Variants in TSGA10 observed in about 807,000 individuals in gnomAD.
The protein encoded by TSGA10 is testis-specific gene 10 protein.
A neutral mutation model predicts 96.6 loss-of-function variants in TSGA10; 43 were observed. The observed-to-expected ratio is 0.44, with a 90% CI of 0.35 to 0.57. TSGA10 has a LOEUF of 0.57. Among genes scored for constraint, TSGA10 ranks in the 20% least tolerant of loss-of-function variants. TSGA10 has a pLI of 0.01. For missense variants in TSGA10, 703 were observed against 834.4 expected (o/e 0.84, Z 1.94); for synonymous variants, 229 against 269.9 (o/e 0.85, Z 1.48).
chr2:99,006,555 C>T (rs1327450260), intron 20 of TSGA10, among the ~76,000 whole-genome samples: 1 of 152,194 alleles, frequency 6.6e-6, no homozygotes, highest in East Asian at 1.9e-4. Context: ...TGCTCATCAT[C>T]ACTGGCCATC....
At chr2:99,080,032 G>A (rs962869892) in intron 11 of TSGA10, among the ~76,000 whole-genome samples, 5 of 152,022 alleles carry the variant, frequency 3.3e-5, no homozygotes, top group African/African-American at 1.2e-4. Context: ...AATAGCTCTA[G>A]TATCTCCTAG....
chr2:99,063,915 C>G (rs1022053192), intron 16 of TSGA10, among the ~76,000 whole-genome samples: 2 of 151,896 alleles, frequency 1.3e-5, no homozygotes, highest in African/African-American at 4.8e-5. Flanking sequence ...AGGAAGAATC[C>G]TAAATGGCAA....
Position 99,004,761 on chromosome 2 carries a change from A to G in TSGA10, c.2073-6540T>C, listed in dbSNP as rs973444742. 3.3e-5 allele frequency among the ~76,000 whole-genome samples: 5 copies of G among 152,344 alleles called. No homozygotes were observed. In the East Asian group the frequency reaches 9.6e-4, roughly 29 times the overall value. On this transcript the variant is annotated intron_variant, in intron 20 of 20. Transcript: ENST00000393483. The stretch of plus-strand genomic sequence containing the variant: ...CATCTGAAACTATTCCAATCAATAG[A>G]AAAAGAGGGAATCCTCCCTAACTCA...
At chr2:99,147,206 G>T in intron 1 of TSGA10, 1 of 417,438 alleles carries the variant, frequency 2.4e-6, no homozygotes. Context: ...TCCCTATGTT[G>T]CCCAGGCTGG....
At chr2:99,020,586 A>G in intron 17 of TSGA10, 104 bp from the exon 18 acceptor site, 1 of 770,428 alleles carries the variant, frequency 1.3e-6, no homozygotes, top group East Asian at 2.7e-5. Context: ...TAAACTGGCA[A>G]CTACTTTTAA....
At chr2:99,021,430 A>G (rs182374792) in intron 17 of TSGA10, among the ~76,000 whole-genome samples, 68 of 152,332 alleles carry the variant, frequency 4.5e-4, no homozygotes, top group Middle Eastern at 3.4e-3. Flanking sequence ...ACGCATATAA[A>G]CTGATGAGAA....
rs532626280 is a variant in TSGA10 at position 99,052,568 on chromosome 2, C to T, written c.1404+12371G>A. 1.6e-3 allele frequency among the ~76,000 whole-genome samples: 239 copies of T among 151,978 alleles called. 2 individuals are homozygous for T. Among genetic ancestry groups the T allele is most frequent in the Admixed American group, 7.9e-3 (121 of 15,260 alleles). The stretch of plus-strand genomic sequence containing the variant: ...CCTGGCTAACACGGTGAAACCCCGT[C>T]TCTACTAAAAATACAAAAAATTAGC... On this transcript the variant is annotated intron_variant, in intron 16 of 20. Transcript: ENST00000393483.
At chr2:99,128,649 G>C (rs960880664) in intron 1 of TSGA10, among the ~76,000 whole-genome samples, 1 of 152,148 alleles carries the variant, frequency 6.6e-6, no homozygotes, top group Admixed American at 6.5e-5. Flanking sequence ...GAATAGCAAG[G>C]ATCTATTTAA....
At chr2:99,057,258 G>A (rs2084117178) in intron 16 of TSGA10, among the ~76,000 whole-genome samples, 1 of 152,106 alleles carries the variant, frequency 6.6e-6, no homozygotes, top group Admixed American at 6.5e-5. Flanking sequence ...AAGGCATCCA[G>A]ATTGGAAAGG....
intron 16 of TSGA10, among the ~76,000 whole-genome samples, chr2:99,045,836 C>T (rs1399426511): frequency 1.3e-5 from 2 of 152,138 alleles, no homozygotes; most frequent in Non-Finnish European, 2.9e-5. Context: ...GCAGGAGACC[C>T]ATCTCATGTG....
At chr2:99,100,302 G>A (rs1182278281) in intron 10 of TSGA10, among the ~76,000 whole-genome samples, 1 of 152,050 alleles carries the variant, frequency 6.6e-6, no homozygotes, top group Non-Finnish European at 1.5e-5. Flanking sequence ...ATAGTAATTA[G>A]GAAAGTTTTG....
chr2:99,087,492 G>C (rs2088680884), intron 10 of TSGA10, among the ~76,000 whole-genome samples: 1 of 152,138 alleles, frequency 6.6e-6, no homozygotes, highest in African/African-American at 2.4e-5. Context: ...GGCAACAAAA[G>C]TAAAACGCCG....
At chr2:99,098,795 T>C (rs2104754095) in intron 10 of TSGA10, among the ~76,000 whole-genome samples, 1 of 152,248 alleles carries the variant, frequency 6.6e-6, no homozygotes, top group East Asian at 1.9e-4. Flanking sequence ...ACTGCTTACA[T>C]ATATATACTA....
intron 4 of TSGA10, among the ~76,000 whole-genome samples, chr2:99,114,194 T>C (rs11692699): frequency 0.59 from 89,543 of 151,940 alleles, 27,369 homozygotes; most frequent in East Asian, 0.88. Flanking sequence ...GAAACCCAAA[T>C]ATTTTTTCTC....
chr2:99,113,816 G>C (rs1159391998), intron 4 of TSGA10, among the ~76,000 whole-genome samples: 4 of 152,058 alleles, frequency 2.6e-5, no homozygotes, highest in Non-Finnish European at 5.9e-5. Flanking sequence ...CAAAGTGTTG[G>C]AATTACAGGT....
At chr2:99,152,844 G>C (rs1049647487) in intron 1 of TSGA10, among the ~76,000 whole-genome samples, 33 of 152,210 alleles carry the variant, frequency 2.2e-4, no homozygotes, top group Non-Finnish European at 4.1e-4. Flanking sequence ...AGGATCCCTG[G>C]GGGGAAAGAG....
intron 17 of TSGA10, among the ~76,000 whole-genome samples, chr2:99,021,339 C>G (rs1414855726): frequency 1.3e-5 from 2 of 151,464 alleles, no homozygotes; most frequent in Non-Finnish European, 2.9e-5. Context: ...TAAACTTAAC[C>G]AAAATTTGAA....
rs796331011 is a variant in TSGA10, at chr2:99,136,655, C to T, written c.-620-9479G>A. On this transcript the variant is annotated intron_variant, in intron 1 of 20. Coordinates refer to ENST00000393483, the MANE Select transcript of TSGA10 (RefSeq NM_025244.4). ...TACTAAAAATACAAAAAAAATTAGC[C>T]GGGCGTAGTGGCGGGCGCCTGTAGT... Among the ~76,000 whole-genome samples the T allele has an allele frequency of 1.1e-4, 8 of 71,210 alleles. 1 individual carries two copies. Among genetic ancestry groups the T allele is most frequent in the South Asian group, 5.4e-4 (1 of 1,838 alleles). 46.7% of individuals were successfully genotyped at this position (71,210 alleles called of 152,430 possible). A position where few individuals can be genotyped will look rare whatever the true frequency, so the allele number is the denominator to read the frequency against.
intron 10 of TSGA10, among the ~76,000 whole-genome samples, chr2:99,094,092 A>G (rs1574276436): frequency 6.6e-6 from 1 of 152,228 alleles, no homozygotes; most frequent in East Asian, 1.9e-4. Context: ...CGCAGAAATA[A>G]GGCCAAATGC....
Sources: gnomAD v4.1 joint callset for allele counts (sites outside exome capture counted in the v4.1 genomes callset) on GRCh38, gnomAD v4.1.1 for gene constraint, MANE v1.5 for transcripts, NCBI Gene and HGNC (gene_info 2026-07-23, HGNC 2026-07-21) for gene names.